Variants in PKIA observed in about 807,000 individuals in gnomAD.
PKIA encodes the protein PKI-alpha.
PKIA carries 4 observed loss-of-function variants against 7.6 expected under a neutral mutation model. That is an observed-to-expected ratio of 0.52 (90% CI 0.26 to 1.20). The LOEUF (loss-of-function observed/expected upper bound fraction) is 1.20. Among genes scored for constraint, PKIA ranks in the 50% most tolerant of loss-of-function variants. The probability of loss-of-function intolerance (pLI) is 0.13; values close to 1 mark genes in which losing one functional copy is unlikely to be tolerated. For missense variants in PKIA, 73 were observed against 86.2 expected, an observed-to-expected ratio of 0.85 and a Z score of 0.61; for synonymous variants, 21 against 30.7, an observed-to-expected ratio of 0.68 and a Z score of 1.04.
intron 1 of PKIA, among the ~76,000 whole-genome samples, chr8:78,568,930 G>A (rs1807483087): frequency 6.6e-6 from 1 of 152,130 alleles, no homozygotes; most frequent in Non-Finnish European, 1.5e-5. Flanking sequence ...AGGCAGCACT[G>A]TGGTTCCCCC....
intron 2 of PKIA, among the ~76,000 whole-genome samples, chr8:78,574,954 C>T (rs1807638744): frequency 6.6e-6 from 1 of 151,848 alleles, no homozygotes; most frequent in South Asian, 2.1e-4. Flanking sequence ...ATAAAGTTCT[C>T]ATGTGAGAAA....
At chr8:78,588,375 G>A (rs1808003526) in intron 2 of PKIA, among the ~76,000 whole-genome samples, 1 of 152,164 alleles carries the variant, frequency 6.6e-6, no homozygotes, top group Non-Finnish European at 1.5e-5. Flanking sequence ...AGCTACTCAG[G>A]AGGCTGAGGC....
intron 2 of PKIA, among the ~76,000 whole-genome samples, chr8:78,594,078 A>T (rs950269135): frequency 2.0e-5 from 3 of 152,156 alleles, no homozygotes; most frequent in African/African-American, 7.2e-5. Context: ...GCAGTAATCT[A>T]TTGAGAAGGA....
intron 1 of PKIA, among the ~76,000 whole-genome samples, chr8:78,566,135 A>G (rs977856244): frequency 6.6e-6 from 1 of 152,096 alleles, no homozygotes; most frequent in African/African-American, 2.4e-5. Flanking sequence ...AACACAAAGG[A>G]AACGTGTAAA....
At chr8:78,560,679 T>C (rs930652435) in intron 1 of PKIA, among the ~76,000 whole-genome samples, 1 of 152,166 alleles carries the variant, frequency 6.6e-6, no homozygotes, top group Admixed American at 6.5e-5. Context: ...TTTAGACCAA[T>C]GGCCGAGGAA....
At chr8:78,578,268 C>T (rs1411941570) in intron 2 of PKIA, among the ~76,000 whole-genome samples, 1 of 151,936 alleles carries the variant, frequency 6.6e-6, no homozygotes, top group Non-Finnish European at 1.5e-5. Context: ...TCACTTATGA[C>T]AAGTCTCAAG....
chr8:78,519,934 C>A, intron 1 of PKIA, among the ~76,000 whole-genome samples: 1 of 152,142 alleles, frequency 6.6e-6, no homozygotes, highest in East Asian at 1.9e-4. Flanking sequence ...TCTTCCTTCC[C>A]CAACCAGATG....
intron 2 of PKIA, among the ~76,000 whole-genome samples, chr8:78,577,847 T>A (rs533514661): frequency 6.6e-6 from 1 of 152,110 alleles, no homozygotes; most frequent in Non-Finnish European, 1.5e-5. Context: ...TGTCTTTGTT[T>A]CATTAAGCTA....
intron 2 of PKIA, chr8:78,591,335 C>T (rs1217029342): frequency 1.3e-5 from 2 of 152,594 alleles, no homozygotes; most frequent in Non-Finnish European, 2.9e-5. Context: ...TCTGTAAATT[C>T]TACTATAGTA....
chr8:78,527,716 T>A (rs1429891750), intron 1 of PKIA, among the ~76,000 whole-genome samples: 1 of 152,090 alleles, frequency 6.6e-6, no homozygotes, highest in African/African-American at 2.4e-5. Context: ...CTTACCAGGT[T>A]ATAACTACTG....
chr8:78,593,038 T>A (rs1468899304), intron 2 of PKIA, among the ~76,000 whole-genome samples: 1 of 152,204 alleles, frequency 6.6e-6, no homozygotes, highest in East Asian at 1.9e-4. Context: ...TGAGACTTAT[T>A]TTCTCCATCT....
chr8:78,568,966 A>G (rs1460071083), intron 1 of PKIA, among the ~76,000 whole-genome samples: 2 of 152,104 alleles, frequency 1.3e-5, no homozygotes, highest in Non-Finnish European at 1.5e-5. Context: ...GTGTGGTTCA[A>G]TGGAGAGCTG....
At chr8:78,524,099 T>C (rs1181870659) in intron 1 of PKIA, among the ~76,000 whole-genome samples, 1 of 126,628 alleles carries the variant, frequency 7.9e-6, no homozygotes, top group South Asian at 2.2e-4. Flanking sequence ...CATTTATATT[T>C]ATATATAAAT....
At chr8:78,522,575 A>G (rs1487881568) in intron 1 of PKIA, among the ~76,000 whole-genome samples, 1 of 151,978 alleles carries the variant, frequency 6.6e-6, no homozygotes, top group African/African-American at 2.4e-5. Flanking sequence ...CCGAGCAAAG[A>G]AATATTCTCT....
At chr8:78,523,742 C>T (rs557132039) in intron 1 of PKIA, among the ~76,000 whole-genome samples, 11 of 151,306 alleles carry the variant, frequency 7.3e-5, no homozygotes, top group Non-Finnish European at 1.5e-4. Flanking sequence ...AATTAGTGGG[C>T]ATCCAATGGA....
Position 78,552,398 on chromosome 8 carries a change from T to C in PKIA, c.-156-20413T>C, listed in dbSNP as rs181818395. Reference sequence around the variant, plus strand: ...GACTTAGTGCTTTTCTGGTGCACTGTTGGCATTCTTCCAATTCTTCTGGAA... The same window carrying C: ...GACTTAGTGCTTTTCTGGTGCACTGCTGGCATTCTTCCAATTCTTCTGGAA... On this transcript the variant is annotated intron_variant, in intron 1 of 3. Transcript: ENST00000396418. Among the ~76,000 whole-genome samples, 35 of 151,692 alleles carry C rather than the reference T, an allele frequency of 2.3e-4. No homozygotes were observed. The East Asian group carries it at 5.4e-3, about 24-fold the overall frequency.
chr8:78,564,023 T>C (rs1406429514), intron 1 of PKIA, among the ~76,000 whole-genome samples: 2 of 152,042 alleles, frequency 1.3e-5, no homozygotes. Context: ...AATACGAAGA[T>C]CACTGAAGAT....
intron 2 of PKIA, among the ~76,000 whole-genome samples, chr8:78,596,121 T>C (rs1808220988): frequency 1.3e-5 from 2 of 152,184 alleles, no homozygotes; most frequent in African/African-American, 2.4e-5. Context: ...TGATTAGTGA[T>C]GTTGGCCAGT....
At chr8:78,601,254 T>G (rs1268700513) in intron 3 of PKIA, among the ~76,000 whole-genome samples, 1 of 152,092 alleles carries the variant, frequency 6.6e-6, no homozygotes, top group Non-Finnish European at 1.5e-5. Flanking sequence ...TACTTTGAAC[T>G]AATAGAACCT....
Sources: allele counts gnomAD v4.1 joint callset (sites outside exome capture counted in the v4.1 genomes callset), GRCh38; gene constraint gnomAD v4.1.1; transcripts MANE v1.5; gene names NCBI Gene and HGNC (gene_info 2026-07-23, HGNC 2026-07-21).